NBPF11: variants seen among roughly 807,000 people sequenced by gnomAD.
The protein encoded by NBPF11 is NBPF family member NBPF11.
In NBPF11, 72 loss-of-function variants were observed where a neutral mutation model predicts 93.9. That is an observed-to-expected ratio of 0.77 (90% confidence interval 0.63 to 0.93). The LOEUF is 0.93. NBPF11 is among the 40% of genes least tolerant of loss of function. NBPF11 has a pLI of 0.00. For synonymous variants in NBPF11, 224 were observed against 304.9 expected (o/e 0.73, Z 2.76); for missense variants, 705 against 802.2 (o/e 0.88, Z 1.46).
intron 15 of NBPF11, among the ~76,000 whole-genome samples, chr1:148,111,174 G>A (rs1198835971): frequency 6.6e-6 from 1 of 151,380 alleles, no homozygotes; most frequent in Admixed American, 6.6e-5. Context: ...ACTGTTAGAA[G>A]GAAAACTAAC....
chr1:148,115,444 A>G (rs1214041859), intron 14 of NBPF11, among the ~76,000 whole-genome samples: 1 of 150,538 alleles, frequency 6.6e-6, no homozygotes, highest in East Asian at 2.0e-4. Flanking sequence ...AGGTTCCTTA[A>G]ACAGGCATAG....
chr1:148,140,599 A>C (rs1672016044), intron 2 of NBPF11, among the ~76,000 whole-genome samples: 3 of 151,928 alleles, frequency 2.0e-5, no homozygotes. Flanking sequence ...AAAAGGTGAA[A>C]GATCTGAACA....
At chr1:148,126,478 T>C (rs1669142094) in intron 5 of NBPF11, among the ~76,000 whole-genome samples, 1 of 151,916 alleles carries the variant, frequency 6.6e-6, no homozygotes, top group African/African-American at 2.4e-5. Context: ...AAAAGTTCAC[T>C]AGTCCTAGAC....
Position 148,105,452 on chromosome 1 carries a change from C to G in NBPF11, c.2380G>C (p.Val794Leu). ...DSLDVIQLLP[V>L]VLNSLTPASP... The stretch of plus-strand genomic sequence containing the variant: ...GCAGGAGTCAGGCTGTTCAAGACAA[C>G]TGGAAGGAGTTGAATAACATCCAGT... The change falls in exon 22 of 24, where the codon GTT (valine) becomes CTT (leucine). Residue 794 changes from valine (V) to leucine (L), a missense_variant. Physicochemically the swap from Val to Leu is conservative, Grantham distance 32. This residue lies in a region of NBPF11 where 109 missense variants were observed against 83.3 expected (regional missense o/e 1.31). Coordinates refer to ENST00000682118, the MANE Select transcript of NBPF11 (RefSeq NM_001385469.3). 1 of 1,117,392 alleles carries G rather than the reference C, an allele frequency of 8.9e-7. No individual in the cohort carries two copies. Among genetic ancestry groups the G allele is most frequent in the South Asian group, 1.3e-5 (1 of 79,802 alleles). The allele number at this position is 1,117,392 out of a possible 1,614,324, so 69.2% of individuals were successfully genotyped here. A position where few individuals can be genotyped will look rare whatever the true frequency, so the allele number is the denominator to read the frequency against.
At chr1:148,146,717 C>A (rs1673169798) in intron 1 of NBPF11, 1 of 1,611,980 alleles carries the variant, frequency 6.2e-7, no homozygotes, top group Non-Finnish European at 8.5e-7. Context: ...CGCTGCGTGC[C>A]TGGTGCCAGG....
At chr1:148,149,477 G>T in intron 1 of NBPF11, 1 of 1,591,074 alleles carries the variant, frequency 6.3e-7, no homozygotes, top group Non-Finnish European at 8.5e-7. Flanking sequence ...GGTGGAGGGC[G>T]CCGGGCACAA....
At chr1:148,126,691 C>A in intron 5 of NBPF11, 138 bp downstream of exon 5, 1 of 654,404 alleles carries the variant, frequency 1.5e-6, no homozygotes, top group South Asian at 1.8e-5. Flanking sequence ...GTACCTCTGT[C>A]TTCCAACTTT....
chr1:148,124,115 A>T, intron 6 of NBPF11, 48 bp from the exon 7 acceptor site: 1 of 1,606,448 alleles, frequency 6.2e-7, no homozygotes, highest in Non-Finnish European at 8.5e-7. Flanking sequence ...GCATTGAGTG[A>T]TCCGTTCAAA....
chr1:148,108,632 C>T lies in NBPF11; in HGVS notation c.1876G>A (p.Glu626Lys), dbSNP rs1435444608. 8 of 1,293,842 alleles carry T rather than the reference C, an allele frequency of 6.2e-6. No individual in the cohort carries two copies. The highest frequency in any genetic ancestry group is 1.2e-5 in the South Asian group (1 of 84,714). The allele number at this position is 1,293,842 out of a possible 1,614,324, so 80.1% of individuals were successfully genotyped here. The change falls in exon 18 of 24, where the codon GAG becomes AAG. Residue 626 changes from glutamate (E) to lysine (K), a missense_variant. Glu to Lys is a moderately conservative substitution (Grantham distance 56, BLOSUM62 1). Coordinates refer to ENST00000682118, the MANE Select transcript of NBPF11 (RefSeq NM_001385469.3). ...TCCTGCAAGACTTCAGGCTCTTTCT[C>T]ATCCAGCAGCTCCCTGCTGAGCCTG... ...GPRLSRELLD[E>K]KEPEVLQDSL... is the part of the protein sequence containing the mutation.
At chr1:148,145,956 A>G (rs1672935242) in intron 1 of NBPF11, among the ~76,000 whole-genome samples, 1 of 152,072 alleles carries the variant, frequency 6.6e-6, no homozygotes, top group Admixed American at 6.5e-5. Context: ...CTGCAGATTG[A>G]AAAAAGAGAA....
chr1:148,121,810 T>A (rs1571446333), intron 9 of NBPF11, among the ~76,000 whole-genome samples: 7 of 152,102 alleles, frequency 4.6e-5, no homozygotes. Flanking sequence ...CCTGCCTAAT[T>A]TTTTGTATTC....
intron 1 of NBPF11, among the ~76,000 whole-genome samples, chr1:148,151,508 C>T (rs1453693711): frequency 1.3e-5 from 2 of 152,070 alleles, no homozygotes; most frequent in Non-Finnish European, 1.5e-5. Flanking sequence ...CACAGAACAC[C>T]TGCCAGGGAG....
chr1:148,116,786 G>A (rs1272364774), intron 12 of NBPF11, among the ~76,000 whole-genome samples: 17 of 152,128 alleles, frequency 1.1e-4, no homozygotes, highest in African/African-American at 3.4e-4. Context: ...CATATCACTG[G>A]AGGCTTGTGC....
chr1:148,104,425 G>C, intron 23 of NBPF11, 112 bp downstream of exon 23: 2 of 627,264 alleles, frequency 3.2e-6, no homozygotes, highest in Non-Finnish European at 5.6e-6. Flanking sequence ...ATGACAGTAG[G>C]AGTAATTCAG....
rs2149235854 is a variant in NBPF11 at position 148,122,134 on chromosome 1, T to C, written c.699A>G (p.Glu233=). 1 of 1,613,430 alleles carries C rather than the reference T, an allele frequency of 6.2e-7. No homozygotes were observed. The highest frequency in any genetic ancestry group is 8.5e-7 in the Non-Finnish European group (1 of 1,179,602). Residue 233 remains glutamate (E), a synonymous_variant, in exon 9 of 24, where the codon GAA becomes GAG. Coordinates refer to ENST00000682118, the MANE Select transcript of NBPF11 (RefSeq NM_001385469.3). ...CAACCAGAGATGAGTTGACTTTGTC[T>C]TCCTCAAATGTGATTTTGATGTTCT... ...PHKNIKITFE[E]DKVNSSLVVD...
In NBPF11 at chr1:148,122,532, T is replaced by A. The variant is rs1243892443; in HGVS notation, c.566+197A>T. ...GGATGAAGACTCAGCTATCCCTGTATGGTACAGACATGACACTTGGCACAC... is the reference window on the plus strand; with the variant it reads ...GGATGAAGACTCAGCTATCCCTGTAAGGTACAGACATGACACTTGGCACAC... On this transcript the variant is annotated intron_variant, in intron 8 of 23. Coordinates refer to ENST00000682118, the MANE Select transcript of NBPF11 (RefSeq NM_001385469.3). Among the ~76,000 whole-genome samples, 17 of 152,208 alleles carry A rather than the reference T, an allele frequency of 1.1e-4. 1 individual carries two copies. Among genetic ancestry groups the A allele is most frequent in the Non-Finnish European group, 8.8e-5 (6 of 68,032 alleles).
intron 4 of NBPF11, among the ~76,000 whole-genome samples, chr1:148,133,288 C>T (rs1426838584): frequency 2.0e-5 from 3 of 151,854 alleles, no homozygotes; most frequent in Non-Finnish European, 4.4e-5. Flanking sequence ...AGCTTCAATT[C>T]TTTCTTTTCA....
chr1:148,140,157 G>C lies in NBPF11; in HGVS notation c.-276-2348C>G, dbSNP rs1253085444. On this transcript the variant is annotated intron_variant, in intron 2 of 23. Transcript: ENST00000682118. ...TACAGTCCACTGATCTTCCATGGAGGTTTAGAGACAATTTAAAACAGCAAA... is the reference window on the plus strand; with the variant it reads ...TACAGTCCACTGATCTTCCATGGAGCTTTAGAGACAATTTAAAACAGCAAA... Among the ~76,000 whole-genome samples the C allele has an allele frequency of 3.9e-4, 59 of 152,044 alleles. 1 individual carries two copies. The highest frequency in any genetic ancestry group is 2.3e-3 in the South Asian group (11 of 4,820).
intron 1 of NBPF11, chr1:148,149,434 C>T (rs1230680755): frequency 1.1e-5 from 17 of 1,582,618 alleles, no homozygotes; most frequent in Middle Eastern, 4.5e-4. Flanking sequence ...TGGCGCTCTA[C>T]GAGCGCTGCC....
Sources: allele counts gnomAD v4.1 joint callset (sites outside exome capture counted in the v4.1 genomes callset), GRCh38; gene constraint gnomAD v4.1.1; regional missense constraint gnomAD v4.1.1; transcripts MANE v1.5; gene names NCBI Gene and HGNC (gene_info 2026-07-23, HGNC 2026-07-21).